Variants in CHMP6 observed in about 807,000 individuals in gnomAD.
The protein encoded by CHMP6 is chromatin-modifying protein 6.
In CHMP6, 10 loss-of-function variants were observed where a neutral mutation model predicts 32.8. The ratio of observed to expected loss-of-function variants is 0.30; its 90% CI spans 0.19 to 0.52. The LOEUF (loss-of-function observed/expected upper bound fraction) is 0.52. Among genes scored for constraint, CHMP6 ranks in the 20% least tolerant of loss-of-function variants. The probability of loss-of-function intolerance (pLI) is 0.97; values close to 1 mark genes in which losing one functional copy is unlikely to be tolerated. For missense variants in CHMP6, 269 were observed against 263.8 expected (o/e 1.02, Z -0.14); for synonymous variants, 123 against 105.8 (o/e 1.16, Z -1.00).
Position 80,999,495 on chromosome 17 carries a change from C to A in CHMP6, c.*342C>A. 3.5e-6 allele frequency: 1 copy of A among 282,440 alleles called. No individual in the cohort carries two copies. The allele number at this position is 282,440 out of a possible 1,614,324, so 17.5% of individuals were successfully genotyped here. A position where few individuals can be genotyped will look rare whatever the true frequency, so the allele number is the denominator to read the frequency against. ...CCAGCCCCGCGTGGCTCGCGCTCGT[C>A]TGTGAGGAAGACACCTCCAGACCTT... is the stretch of plus-strand genomic sequence containing the variant. On this transcript the variant is annotated 3_prime_UTR_variant, in exon 8 of 8. Transcript: ENST00000325167.
At chr17:80,992,198 C>G (rs1264222598) in intron 1 of CHMP6, among the ~76,000 whole-genome samples, 1 of 151,412 alleles carries the variant, frequency 6.6e-6, no homozygotes, top group Non-Finnish European at 1.5e-5. Flanking sequence ...CCGTGGCTGC[C>G]GTCTTCCCCG....
chr17:80,997,016 A>G lies in CHMP6; in HGVS notation c.358A>G (p.Ile120Val). Residue 120 changes from isoleucine (I) to valine (V), a missense_variant, in exon 5 of 8, where the codon ATT becomes GTT. Physicochemically the swap from Ile to Val is conservative, Grantham distance 29 (BLOSUM62 3). Transcript: ENST00000325167. ...CLNKMHQVMS[I>V]EEVERILDET... ...TCACCCTCGTCCACAGGTGATGTCCATTGAAGAGGTGGAGAGGATCCTGGA... is the reference window on the plus strand; with the variant it reads ...TCACCCTCGTCCACAGGTGATGTCCGTTGAAGAGGTGGAGAGGATCCTGGA... The G allele has an allele frequency of 1.2e-6, 2 of 1,613,756 alleles. No homozygotes were observed. Among genetic ancestry groups the G allele is most frequent in the African/African-American group, 1.3e-5 (1 of 75,034 alleles).
chr17:80,993,302 T>TC (rs1396823948), intron 1 of CHMP6, among the ~76,000 whole-genome samples: 2 of 151,996 alleles, frequency 1.3e-5, no homozygotes, highest in Non-Finnish European at 2.9e-5. Context: ...TAACAGGTGT[T>TC]CCCCACGTGG....
chr17:80,996,321 G>GAA (rs778547067), intron 4 of CHMP6, among the ~76,000 whole-genome samples: 1 of 142,086 alleles, frequency 7.0e-6, no homozygotes, highest in Non-Finnish European at 1.5e-5. Flanking sequence ...CTCCGTCTCA[G>GAA]GAAAAAAAAA....
Position 80,995,021 on chromosome 17 carries a change from G to T in CHMP6, c.176G>T (p.Arg59Leu). The T allele has an allele frequency of 6.3e-7, 1 of 1,592,748 alleles. No homozygotes were observed. Among genetic ancestry groups the T allele is most frequent in the Non-Finnish European group, 8.5e-7 (1 of 1,171,760 alleles). The change falls in exon 3 of 8, where the codon CGG becomes CTG. Residue 59 changes from arginine (R) to leucine (L), a missense_variant and splice_region_variant. Transcript: ENST00000325167. Reference protein sequence around the residue: ...RQLLRDGRKERAKLLLKKKRY... With the variant: ...RQLLRDGRKELAKLLLKKKRY... ...CACTCTCGGGCTTCCCTCTGCAGAC[G>T]GGCCAAGCTGCTGCTCAAGAAGAAG...
At chr17:80,997,907 G>A (rs2069653137) in intron 6 of CHMP6, among the ~76,000 whole-genome samples, 1 of 152,250 alleles carries the variant, frequency 6.6e-6, no homozygotes. Flanking sequence ...TCTCCTGAGG[G>A]TCCGAGTCCT....
chr17:80,995,148 G>A lies in CHMP6; in HGVS notation c.261+42G>A, dbSNP rs1358694362. On this transcript the variant is annotated intron_variant, in intron 3 of 7. Transcript: ENST00000325167. ...TTCGCCCTGGAGTGCAGGTGCAGCT[G>A]GAGGCAGCTCCGCCCGGCTGCGTGG... is the stretch of plus-strand genomic sequence containing the variant. The A allele has an allele frequency of 3.9e-6, 6 of 1,558,120 alleles. No individual in the cohort carries two copies. The African/African-American group carries it at 4.0e-5, about 11-fold the overall frequency.
At chr17:80,996,359 A>T (rs2069637622) in intron 4 of CHMP6, among the ~76,000 whole-genome samples, 1 of 151,352 alleles carries the variant, frequency 6.6e-6, no homozygotes, top group South Asian at 2.1e-4. Context: ...GGAGGTGAAT[A>T]CCGGCCTCAT....
chr17:80,998,458 C>T (rs748179382), intron 7 of CHMP6, 38 bp downstream of exon 7: 38 of 1,613,832 alleles, frequency 2.4e-5, no homozygotes, highest in African/African-American at 1.7e-4. Flanking sequence ...GGTTGGAATT[C>T]GCAGGAGAAA....
intron 1 of CHMP6, among the ~76,000 whole-genome samples, chr17:80,993,489 A>G (rs6565518): frequency 0.67 from 102,069 of 152,006 alleles, 35,555 homozygotes; most frequent in African/African-American, 0.87. Context: ...GGTGGAGGGA[A>G]CCGGGAATGA....
intron 3 of CHMP6, 82 bp downstream of exon 3, chr17:80,995,188 T>G: frequency 1.2e-4 from 150 of 1,293,884 alleles, no homozygotes; most frequent in Non-Finnish European, 1.5e-4. Context: ...CAGAAATTTC[T>G]CCCGAGAGCT....
rs989116243 is a variant in CHMP6 at position 80,999,608 on chromosome 17, C to T, written c.*455C>T. 6.3e-6 allele frequency: 1 copy of T among 159,686 alleles called. No individual in the cohort carries two copies. Among genetic ancestry groups the T allele is most frequent in the Non-Finnish European group, 1.4e-5 (1 of 72,868 alleles). The allele number at this position is 159,686 out of a possible 1,614,324, so 9.9% of individuals were successfully genotyped here. A position where few individuals can be genotyped will look rare whatever the true frequency, so the allele number is the denominator to read the frequency against. Reference sequence around the variant, plus strand: ...GGGGTCCCTCCCTTGGCCTGGCTTCCCGGCGCACCTCAGCTTCCCTGCTGG... The same window carrying T: ...GGGGTCCCTCCCTTGGCCTGGCTTCTCGGCGCACCTCAGCTTCCCTGCTGG... On this transcript the variant is annotated 3_prime_UTR_variant, in exon 8 of 8. Transcript: ENST00000325167.
rs540624438 is a variant in CHMP6 at position 80,991,869 on chromosome 17, G to A, written c.-50G>A. 8.2e-5 allele frequency: 109 copies of A among 1,335,888 alleles called. No homozygotes were observed. In the East Asian group the frequency reaches 2.9e-3, roughly 36 times the overall value. The allele number at this position is 1,335,888 out of a possible 1,614,324, so 82.8% of individuals were successfully genotyped here. ...ACCCGAGCTACGGTGGCCGCGGGGC[G>A]GCGGTGGCGATTGGACTTGGTGGGT... On this transcript the variant is annotated 5_prime_UTR_variant, in exon 1 of 8. Coordinates refer to ENST00000325167, the MANE Select transcript of CHMP6 (RefSeq NM_024591.5).
Position 80,991,845 on chromosome 17 carries a change from C to G in CHMP6, c.-74C>G. 1 of 1,201,688 alleles carries G rather than the reference C, an allele frequency of 8.3e-7. No individual in the cohort carries two copies. The highest frequency in any genetic ancestry group is 1.1e-6 in the Non-Finnish European group (1 of 942,484). The allele number at this position is 1,201,688 out of a possible 1,614,324, so 74.4% of individuals were successfully genotyped here. On this transcript the variant is annotated 5_prime_UTR_variant, in exon 1 of 8. Transcript: ENST00000325167. Reference sequence around the variant, plus strand: ...CGGCGCGGCCGCCGTAGCGGGAGGACCCGAGCTACGGTGGCCGCGGGGCGG... The same window carrying G: ...CGGCGCGGCCGCCGTAGCGGGAGGAGCCGAGCTACGGTGGCCGCGGGGCGG...
rs760472042 is a variant in CHMP6 at position 80,995,710 on chromosome 17, G to T, written c.300G>T (p.Val100=). ...SIEFTQIEMK[V]MEGLQFGNEC... Reference sequence around the variant, plus strand: ...AGTTCACCCAGATCGAAATGAAAGTGATGGAGGGGCTGCAGTTTGGAAATG... The same window carrying T: ...AGTTCACCCAGATCGAAATGAAAGTTATGGAGGGGCTGCAGTTTGGAAATG... The change falls in exon 4 of 8, where the codon GTG becomes GTT. Residue 100 remains valine (V), a synonymous_variant. Transcript: ENST00000325167. 1 of 1,614,150 alleles carries T rather than the reference G, an allele frequency of 6.2e-7. No individual in the cohort carries two copies.
At chr17:80,994,487 G>T in intron 1 of CHMP6, 94 bp from the exon 2 acceptor site, 1 of 1,140,760 alleles carries the variant, frequency 8.8e-7, no homozygotes, top group Non-Finnish European at 1.2e-6. Context: ...GGACACTCAC[G>T]GAGGGCCGCC....
rs182360125 is a variant in CHMP6 at position 80,996,745 on chromosome 17, C to T, written c.349-262C>T. Among the ~76,000 whole-genome samples the T allele has an allele frequency of 8.5e-5, 13 of 152,356 alleles. No individual in the cohort carries two copies. In the East Asian group the frequency reaches 2.3e-3, roughly 27 times the overall value. On this transcript the variant is annotated intron_variant, in intron 4 of 7. Coordinates refer to ENST00000325167, the MANE Select transcript of CHMP6 (RefSeq NM_024591.5). ...TCAAACGGCCCCTGTGGCCTCAGGA[C>T]AGGCCCATGCCTGGGACACACATGT...
At chr17:80,996,771 C>T (rs1019519522) in intron 4 of CHMP6, among the ~76,000 whole-genome samples, 1 of 152,232 alleles carries the variant, frequency 6.6e-6, no homozygotes, top group African/African-American at 2.4e-5. Context: ...ACACACATGT[C>T]CTGGCCTCAT....
In CHMP6 at chr17:80,997,035, T is replaced by C. The variant is rs750603328; in HGVS notation, c.377T>C (p.Ile126Thr). The change falls in exon 5 of 8, where the codon ATC becomes ACC. Residue 126 changes from isoleucine (I) to threonine (T), a missense_variant. Transcript: ENST00000325167. ...QVMSIEEVERILDETQEAVEY... is the reference protein window; with the variant it reads ...QVMSIEEVERTLDETQEAVEY... ...ATGTCCATTGAAGAGGTGGAGAGGA[T>C]CCTGGACGAGACGCAGGAGGCCGTG... The C allele has an allele frequency of 1.2e-6, 2 of 1,613,762 alleles. No individual in the cohort carries two copies. Among genetic ancestry groups the C allele is most frequent in the Non-Finnish European group, 1.7e-6 (2 of 1,179,968 alleles).
Sources: allele counts gnomAD v4.1 joint callset (sites outside exome capture counted in the v4.1 genomes callset), GRCh38; gene constraint gnomAD v4.1.1; transcripts MANE v1.5; gene names NCBI Gene and HGNC (gene_info 2026-07-23, HGNC 2026-07-21).